ARHGAP42: variants seen among roughly 807,000 people sequenced by gnomAD.
The protein encoded by ARHGAP42 is rho GTPase-activating protein 42.
A neutral mutation model predicts 125.0 loss-of-function variants in ARHGAP42; 63 were observed. The ratio of observed to expected loss-of-function variants is 0.50; its 90% CI spans 0.41 to 0.62. ARHGAP42 has a LOEUF of 0.62. ARHGAP42 is among the 20% of genes least tolerant of loss of function. The pLI, the probability that ARHGAP42 is intolerant of heterozygous loss-of-function variation, is 0.00. For synonymous variants in ARHGAP42, 339 were observed against 351.0 expected (o/e 0.97, Z 0.38); for missense variants, 766 against 1,024.2 (o/e 0.75, Z 3.44).
At chr11:100,695,325 G>C (rs1341116171) in intron 1 of ARHGAP42, among the ~76,000 whole-genome samples, 1 of 152,076 alleles carries the variant, frequency 6.6e-6, no homozygotes, top group Non-Finnish European at 1.5e-5. Flanking sequence ...TTCTCTCTAG[G>C]ATTCATTTGC....
chr11:100,983,318 A>G (rs761015679), intron 22 of ARHGAP42, among the ~76,000 whole-genome samples: 14 of 152,250 alleles, frequency 9.2e-5, no homozygotes, highest in Non-Finnish European at 1.9e-4. Flanking sequence ...ATTTTCCTAA[A>G]GAGTTGAACT....
intron 3 of ARHGAP42, among the ~76,000 whole-genome samples, chr11:100,819,608 C>T (rs1000619225): frequency 6.6e-6 from 1 of 152,098 alleles, no homozygotes; most frequent in African/African-American, 2.4e-5. Flanking sequence ...TGTTTGATCA[C>T]TTAACATTTC....
At chr11:100,706,909 C>T (rs1387871907) in intron 1 of ARHGAP42, among the ~76,000 whole-genome samples, 1 of 152,154 alleles carries the variant, frequency 6.6e-6, no homozygotes, top group Non-Finnish European at 1.5e-5. Context: ...TCCTCATTCC[C>T]CATCTTCCCT....
At chr11:100,907,728 G>A (rs1386680048) in intron 4 of ARHGAP42, among the ~76,000 whole-genome samples, 1 of 152,192 alleles carries the variant, frequency 6.6e-6, no homozygotes, top group African/African-American at 2.4e-5. Flanking sequence ...TGATGCTGCT[G>A]TGGGCTGCCA....
chr11:100,867,178 T>C (rs1232681559), intron 4 of ARHGAP42, among the ~76,000 whole-genome samples: 2 of 152,238 alleles, frequency 1.3e-5, no homozygotes, highest in Non-Finnish European at 2.9e-5. Flanking sequence ...TAAATTAGCA[T>C]TGGCTTCAAC....
chr11:100,954,140 C>T (rs528007603), intron 12 of ARHGAP42, among the ~76,000 whole-genome samples: 1 of 152,230 alleles, frequency 6.6e-6, no homozygotes, highest in African/African-American at 2.4e-5. Flanking sequence ...GTGCCCTGAG[C>T]CTTGTCCCCA....
chr11:100,782,819 C>T (rs567133891), intron 2 of ARHGAP42, among the ~76,000 whole-genome samples: 2 of 152,236 alleles, frequency 1.3e-5, no homozygotes, highest in East Asian at 3.9e-4. Context: ...GCTGAGGGTA[C>T]TATTTCTGCC....
intron 3 of ARHGAP42, among the ~76,000 whole-genome samples, chr11:100,802,175 T>A (rs1300152618): frequency 6.6e-6 from 1 of 152,200 alleles, no homozygotes; most frequent in Non-Finnish European, 1.5e-5. Flanking sequence ...ACAGCTAACT[T>A]GGCTTTAAAT....
chr11:100,802,459 C>G (rs1863880320), intron 3 of ARHGAP42, among the ~76,000 whole-genome samples: 1 of 143,944 alleles, frequency 6.9e-6, no homozygotes, highest in African/African-American at 2.6e-5. Context: ...GAGTCTCACT[C>G]TGTCTCCCAG....
chr11:100,719,247 T>A (rs1861717051), intron 1 of ARHGAP42, among the ~76,000 whole-genome samples: 1 of 152,240 alleles, frequency 6.6e-6, no homozygotes, highest in African/African-American at 2.4e-5. Flanking sequence ...TATTGGCCAG[T>A]CAAATAATAG....
intron 12 of ARHGAP42, among the ~76,000 whole-genome samples, chr11:100,952,893 C>A (rs1857702513): frequency 6.6e-6 from 1 of 151,936 alleles, no homozygotes; most frequent in African/African-American, 2.4e-5. Flanking sequence ...ACGCCCAGTG[C>A]CCAGCTGATT....
chr11:100,711,958 TCTAA>T (rs1861572233), intron 1 of ARHGAP42, among the ~76,000 whole-genome samples: 1 of 152,250 alleles, frequency 6.6e-6, no homozygotes, highest in African/African-American at 2.4e-5. Flanking sequence ...GTACTGAGAC[TCTAA>T]CTTTCATTAT....
At chr11:100,751,386 G>C (rs537947861) in intron 1 of ARHGAP42, among the ~76,000 whole-genome samples, 3 of 149,540 alleles carry the variant, frequency 2.0e-5, no homozygotes, top group Non-Finnish European at 4.4e-5. Context: ...GGGTTCAAGC[G>C]ATTCTCCTGC....
chr11:100,871,976 C>T (rs1034126812), intron 4 of ARHGAP42, among the ~76,000 whole-genome samples: 6 of 152,186 alleles, frequency 3.9e-5, no homozygotes, highest in Non-Finnish European at 7.3e-5. Context: ...CTCCTGACCT[C>T]GGGTGATCCG....
chr11:100,908,862 G>C (rs1866827214), intron 4 of ARHGAP42, among the ~76,000 whole-genome samples: 1 of 152,030 alleles, frequency 6.6e-6, no homozygotes, highest in Non-Finnish European at 1.5e-5. Flanking sequence ...CCACCAGCAG[G>C]GTATAATCAT....
intron 3 of ARHGAP42, among the ~76,000 whole-genome samples, chr11:100,826,953 A>G (rs894875610): frequency 2.7e-5 from 4 of 150,262 alleles, no homozygotes; most frequent in African/African-American, 4.9e-5. Context: ...CGGGGAAAGA[A>G]TTTTGTGAGA....
chr11:100,964,164 G>C (rs1858031816), intron 16 of ARHGAP42, among the ~76,000 whole-genome samples: 1 of 152,096 alleles, frequency 6.6e-6, no homozygotes, highest in African/African-American at 2.4e-5. Context: ...GTATAAAGGG[G>C]AAGTTATTCA....
intron 3 of ARHGAP42, among the ~76,000 whole-genome samples, chr11:100,823,115 T>A (rs1864440204): frequency 6.6e-6 from 1 of 152,128 alleles, no homozygotes; most frequent in Non-Finnish European, 1.5e-5. Flanking sequence ...AAAGTTCTAT[T>A]TTTCTTCCCA....
At chr11:100,904,240 CCT>C (rs200477263) in intron 4 of ARHGAP42, among the ~76,000 whole-genome samples, 73 of 150,004 alleles carry the variant, frequency 4.9e-4, no homozygotes, top group Non-Finnish European at 8.6e-4. Flanking sequence ...TCCTATTTTT[CCT>C]CTCTCTTTTT....
Sources: allele counts gnomAD v4.1 joint callset (sites outside exome capture counted in the v4.1 genomes callset), GRCh38; gene constraint gnomAD v4.1.1; transcripts MANE v1.5; gene names NCBI Gene and HGNC (gene_info 2026-07-23, HGNC 2026-07-21).